The following WDR47 variants were observed in gnomAD, a reference collection of about 807,000 sequenced individuals.
The protein encoded by WDR47 is WD repeat domain 47.
A neutral mutation model predicts 97.2 loss-of-function variants in WDR47; 32 were observed. The observed-to-expected ratio is 0.33, with a 90% CI of 0.25 to 0.44. The LOEUF (loss-of-function observed/expected upper bound fraction) is 0.44, where lower values mean the gene tolerates loss of function less well. WDR47 is among the 20% of genes least tolerant of loss of function. WDR47 has a pLI of 1.00. For synonymous variants in WDR47, 375 were observed against 373.5 expected, an observed-to-expected ratio of 1.00 and a Z score of -0.05; for missense variants, 782 against 1,102.3, an observed-to-expected ratio of 0.71 and a Z score of 4.11.
chr1:109,013,839 AC>A lies in WDR47; in HGVS notation c.327+1del. On this transcript the variant is annotated splice_donor_variant, in intron 4 of 14. Coordinates refer to ENST00000369962, the MANE Select transcript of WDR47 (RefSeq NM_001142551.2). LOFTEE classifies it high-confidence loss of function. ...GCAAACCTTCAGGAATAAAAATCTT[AC>A]ATGCTGGGGCTCATCTTCTGCTGAC... 6.2e-7 allele frequency: 1 copy of A among 1,613,218 alleles called. No homozygotes were observed. The highest frequency in any genetic ancestry group is 8.5e-7 in the Non-Finnish European group (1 of 1,179,814).
intron 7 of WDR47, among the ~76,000 whole-genome samples, chr1:108,998,487 G>A (rs1659923649): frequency 6.6e-6 from 1 of 151,730 alleles, no homozygotes. Context: ...AGGCAACAGA[G>A]CAAGACTCCG....
Position 109,036,736 on chromosome 1 carries a change from C to T in WDR47, c.-10+5126G>A, listed in dbSNP as rs569492913. 4.7e-5 allele frequency among the ~76,000 whole-genome samples: 7 copies of T among 149,138 alleles called. No individual in the cohort carries two copies. In the East Asian group the frequency reaches 8.1e-4, roughly 17 times the overall value. On this transcript the variant is annotated intron_variant, in intron 1 of 14. Coordinates refer to ENST00000369962, the MANE Select transcript of WDR47 (RefSeq NM_001142551.2). Reference sequence around the variant, plus strand: ...CTGTAGTCCCAGCTACTCAGGAGGCCGAGGCAGGAGAATGGCGTGAACCCC... The same window carrying T: ...CTGTAGTCCCAGCTACTCAGGAGGCTGAGGCAGGAGAATGGCGTGAACCCC...
intron 2 of WDR47, among the ~76,000 whole-genome samples, chr1:109,022,302 A>G (rs1237810094): frequency 2.0e-5 from 3 of 152,260 alleles, no homozygotes; most frequent in Admixed American, 6.5e-5. Context: ...GAATGAAAAC[A>G]GCAAGGAATA....
In WDR47 at chr1:109,011,066, T is replaced by G. The variant is rs766097896; in HGVS notation, c.980A>C (p.His327Pro). The change falls in exon 5 of 15, where the codon CAT becomes CCT. Residue 327 changes from histidine (H) to proline (P), a missense_variant. Transcript: ENST00000369962. ...TCCAAGGTCTGAAATTCTCTTATCA[T>G]GACTGGTTAGTCCACAGGTGAGGCC... ...LDGLTCGLTS[H>P]DKRISDLGNK... 2 of 1,614,142 alleles carry G rather than the reference T, an allele frequency of 1.2e-6. No homozygotes were observed. Among genetic ancestry groups the G allele is most frequent in the Non-Finnish European group, 1.7e-6 (2 of 1,180,026 alleles).
chr1:108,973,735 T>C (rs769299391), intron 14 of WDR47, among the ~76,000 whole-genome samples: 4 of 151,638 alleles, frequency 2.6e-5, no homozygotes, highest in Non-Finnish European at 4.4e-5. Context: ...ATTTTTAAAA[T>C]GTGCCATCCA....
At chr1:108,992,908 T>G in intron 8 of WDR47, 932 of 893,002 alleles carry the variant, frequency 1.0e-3, no homozygotes, top group Non-Finnish European at 1.4e-3. Flanking sequence ...GGTGAGGAAA[T>G]TGCTAAATAA....
chr1:109,027,099 C>T (rs946473951), intron 1 of WDR47, among the ~76,000 whole-genome samples: 2 of 151,904 alleles, frequency 1.3e-5, no homozygotes, highest in African/African-American at 2.4e-5. Flanking sequence ...CTCTGTTGCC[C>T]GGGCTGGAGT....
chr1:109,034,796 T>C (rs2102048669), intron 1 of WDR47, among the ~76,000 whole-genome samples: 1 of 152,306 alleles, frequency 6.6e-6, no homozygotes, highest in East Asian at 1.9e-4. Context: ...TGAGGACTGT[T>C]GCTATAGAAT....
At chr1:109,017,878 C>G (rs1296767587) in intron 2 of WDR47, among the ~76,000 whole-genome samples, 1 of 151,794 alleles carries the variant, frequency 6.6e-6, no homozygotes, top group Non-Finnish European at 1.5e-5. Flanking sequence ...ACCCGAGAAG[C>G]TGGGACTATA....
At position 109,011,605 on chromosome 1, in the gene WDR47, G is replaced by C; in HGVS notation, c.441C>G (p.Thr147=). 6.2e-7 allele frequency: 1 copy of C among 1,614,146 alleles called. No individual in the cohort carries two copies. The highest frequency in any genetic ancestry group is 8.5e-7 in the Non-Finnish European group (1 of 1,180,038). Residue 147 remains threonine, a synonymous_variant, in exon 5 of 15, where the codon ACC becomes ACG. Transcript: ENST00000369962. ...LCLLLTLPRL[T]NHAEFKDWNP... ...TCCAGTCCTTAAACTCGGCATGATT[G>C]GTCAGACGAGGCAAAGTCAAAAGCA...
chr1:108,982,692 A>C lies in WDR47; in HGVS notation c.2183T>G (p.Ile728Arg). The C allele has an allele frequency of 6.2e-7, 1 of 1,614,176 alleles. No homozygotes were observed. Among genetic ancestry groups the C allele is most frequent in the Non-Finnish European group, 8.5e-7 (1 of 1,180,024 alleles). The change falls in exon 12 of 15, where the codon ATA (isoleucine) becomes AGA (arginine). Residue 728 changes from isoleucine (I) to arginine (R), a missense_variant. Ile to Arg is a moderately conservative substitution (Grantham distance 97). Transcript: ENST00000369962. ...EGPESGGAIL[I>R]SAGAGDCNIY... ...GTTACAATCCCCTGCTCCAGCACTT[A>C]TTAAAATAGCTCCTCCGCTTTCTGG...
chr1:109,000,481 C>T (rs1161646506), intron 7 of WDR47, among the ~76,000 whole-genome samples: 1 of 133,782 alleles, frequency 7.5e-6, no homozygotes, highest in Non-Finnish European at 1.5e-5. Flanking sequence ...TGCACTTCAG[C>T]CTGGGCGACA....
chr1:109,038,107 C>T (rs1177626824), intron 1 of WDR47, among the ~76,000 whole-genome samples: 1 of 152,074 alleles, frequency 6.6e-6, no homozygotes, highest in Non-Finnish European at 1.5e-5. Flanking sequence ...CCAAAATGCT[C>T]GCATTACAGG....
In WDR47 at chr1:109,023,514, T is replaced by C. The variant is rs145802839; in HGVS notation, c.-2A>G. The C allele has an allele frequency of 1.5e-5, 24 of 1,611,406 alleles. No homozygotes were observed. The highest frequency in any genetic ancestry group is 1.6e-4 in the Middle Eastern group (1 of 6,070). On this transcript the variant is annotated 5_prime_UTR_variant, in exon 2 of 15. Transcript: ENST00000369962. ...ATTCACTGTTTCTTCAGCCGTCATA[T>C]TGATAGCCTAAATATGAAACAGAAA...
intron 3 of WDR47, among the ~76,000 whole-genome samples, chr1:109,016,980 CA>C (rs1661465124): frequency 6.6e-6 from 1 of 151,920 alleles, no homozygotes. Flanking sequence ...AAAAATCTTA[CA>C]AAAAAATTAT....
intron 9 of WDR47, among the ~76,000 whole-genome samples, chr1:108,987,486 G>A (rs1571157514): frequency 1.3e-5 from 2 of 150,940 alleles, no homozygotes; most frequent in Admixed American, 6.6e-5. Context: ...GTTTGTTTTT[G>A]AGATGGAGTC....
chr1:108,986,378 G>C, intron 10 of WDR47, 145 bp downstream of exon 10: 1 of 673,732 alleles, frequency 1.5e-6, no homozygotes, highest in Non-Finnish European at 2.3e-6. Context: ...AGTAAAAACA[G>C]TTATTTTATA....
chr1:109,023,271 CTAT>C, intron 2 of WDR47, 81 bp downstream of exon 2: 8 of 1,229,128 alleles, frequency 6.5e-6, no homozygotes, highest in Non-Finnish European at 8.7e-6. Flanking sequence ...TTATAAAGTT[CTAT>C]CTGTATTATA....
chr1:108,986,448 A>T (rs1658820050), intron 10 of WDR47, 75 bp downstream of exon 10: 3 of 1,336,482 alleles, frequency 2.2e-6, no homozygotes, highest in Non-Finnish European at 2.0e-6. Flanking sequence ...ACTGAATGGC[A>T]ATTCTGAAAA....
Sources: allele counts gnomAD v4.1 joint callset (sites outside exome capture counted in the v4.1 genomes callset), GRCh38; gene constraint gnomAD v4.1.1; transcripts MANE v1.5; gene names NCBI Gene and HGNC (gene_info 2026-07-23, HGNC 2026-07-21).